Variants in GPM6A observed in about 807,000 individuals in gnomAD.
The protein encoded by GPM6A is neuronal membrane glycoprotein M6-a.
A neutral mutation model predicts 32.1 loss-of-function variants in GPM6A; 7 were observed. The observed-to-expected ratio is 0.22, with a 90% confidence interval of 0.12 to 0.41. GPM6A has a LOEUF of 0.41. Among genes scored for constraint, GPM6A ranks in the 10% least tolerant of loss-of-function variants. GPM6A has a pLI of 1.00. For synonymous variants in GPM6A, 130 were observed against 123.4 expected (o/e 1.05, Z -0.35); for missense variants, 235 against 347.2 (o/e 0.68, Z 2.57).
chr4:175,637,596 T>C (rs1416793685), intron 6 of GPM6A, among the ~76,000 whole-genome samples: 3 of 112,768 alleles, frequency 2.7e-5, no homozygotes, highest in Non-Finnish European at 5.1e-5. Flanking sequence ...TATTATATAT[T>C]ATGTAAAATA....
At chr4:175,862,678 C>T (rs2111423185) in intron 1 of GPM6A, among the ~76,000 whole-genome samples, 1 of 152,112 alleles carries the variant, frequency 6.6e-6, no homozygotes, top group African/African-American at 2.4e-5. Context: ...TCTAAATCCC[C>T]ATCAGTATTA....
At chr4:175,984,213 A>C (rs1330015729) in intron 1 of GPM6A, among the ~76,000 whole-genome samples, 1 of 152,170 alleles carries the variant, frequency 6.6e-6, no homozygotes, top group Non-Finnish European at 1.5e-5. Context: ...CCCAAGCTAG[A>C]AGGCAGTGGC....
At chr4:175,742,570 C>T (rs559448296) in intron 1 of GPM6A, among the ~76,000 whole-genome samples, 1 of 152,254 alleles carries the variant, frequency 6.6e-6, no homozygotes, top group Admixed American at 6.5e-5. Flanking sequence ...AAGTACACAT[C>T]AGAAAATGGA....
chr4:175,870,910 C>G (rs936039633), intron 1 of GPM6A, among the ~76,000 whole-genome samples: 1 of 152,038 alleles, frequency 6.6e-6, no homozygotes, highest in Admixed American at 6.6e-5. Context: ...AATAAAAGCA[C>G]CCATCACACA....
chr4:175,785,341 C>G (rs1434637353), intron 1 of GPM6A, among the ~76,000 whole-genome samples: 1 of 152,116 alleles, frequency 6.6e-6, no homozygotes, highest in Non-Finnish European at 1.5e-5. Context: ...TGCAGATGTC[C>G]CAGCATCTTG....
intron 1 of GPM6A, among the ~76,000 whole-genome samples, chr4:175,730,619 C>A (rs574558319): frequency 1.3e-5 from 2 of 151,426 alleles, no homozygotes; most frequent in Non-Finnish European, 2.9e-5. Flanking sequence ...TACAGGCGCC[C>A]GCCACCACGC....
intron 1 of GPM6A, among the ~76,000 whole-genome samples, chr4:175,843,654 T>C (rs1390360070): frequency 2.6e-5 from 4 of 152,196 alleles, no homozygotes; most frequent in Admixed American, 2.6e-4. Flanking sequence ...CACCACTTGG[T>C]TTGATGTTCT....
chr4:175,786,229 A>T (rs1218587003), intron 1 of GPM6A, among the ~76,000 whole-genome samples: 1 of 152,092 alleles, frequency 6.6e-6, no homozygotes, highest in African/African-American at 2.4e-5. Context: ...GAATGTTTAA[A>T]ATCTCAGGTA....
chr4:175,844,347 C>T (rs1348322367), intron 1 of GPM6A, among the ~76,000 whole-genome samples: 3 of 152,126 alleles, frequency 2.0e-5, no homozygotes, highest in Non-Finnish European at 4.4e-5. Flanking sequence ...GCAGTCTTTC[C>T]AATTCCTTCT....
chr4:175,811,000 A>T (rs899133475), intron 1 of GPM6A, among the ~76,000 whole-genome samples: 3 of 152,142 alleles, frequency 2.0e-5, no homozygotes, highest in Non-Finnish European at 4.4e-5. Flanking sequence ...CTTATCTATT[A>T]TCTCTTGCTT....
At chr4:175,699,965 C>T (rs1034330920) in intron 2 of GPM6A, among the ~76,000 whole-genome samples, 1 of 152,010 alleles carries the variant, frequency 6.6e-6, no homozygotes, top group Non-Finnish European at 1.5e-5. Flanking sequence ...TGGGCTCAAG[C>T]GATTCTCATA....
chr4:175,943,349 T>G (rs1739479619), intron 1 of GPM6A, among the ~76,000 whole-genome samples: 1 of 152,218 alleles, frequency 6.6e-6, no homozygotes, highest in South Asian at 2.1e-4. Flanking sequence ...CTTCCTCTAT[T>G]CCTATTTGAA....
chr4:175,824,742 G>A (rs986300845), intron 1 of GPM6A, among the ~76,000 whole-genome samples: 1 of 152,126 alleles, frequency 6.6e-6, no homozygotes, highest in African/African-American at 2.4e-5. Flanking sequence ...GGTATCCACT[G>A]TATGCTAGGC....
chr4:175,908,595 T>G (rs1738204403), intron 1 of GPM6A, among the ~76,000 whole-genome samples: 1 of 152,120 alleles, frequency 6.6e-6, no homozygotes, highest in African/African-American at 2.4e-5. Flanking sequence ...AAGAAGAAGT[T>G]TGTATCATCA....
intron 1 of GPM6A, among the ~76,000 whole-genome samples, chr4:175,735,996 G>A (rs550894910): frequency 6.6e-5 from 10 of 152,252 alleles, no homozygotes; most frequent in South Asian, 2.1e-4. Context: ...CAAGGTCTGT[G>A]AGACTAAAAC....
chr4:175,768,978 C>T (rs1465296756), intron 1 of GPM6A, among the ~76,000 whole-genome samples: 1 of 151,782 alleles, frequency 6.6e-6, no homozygotes, highest in Non-Finnish European at 1.5e-5. Flanking sequence ...GCCTGTAATC[C>T]CAGCTATTCA....
At chr4:175,647,567 G>A (rs1483849395) in intron 4 of GPM6A, among the ~76,000 whole-genome samples, 1 of 152,138 alleles carries the variant, frequency 6.6e-6, no homozygotes, top group Admixed American at 6.5e-5. Flanking sequence ...TGAACAGTAA[G>A]ATGTATACCT....
intron 1 of GPM6A, among the ~76,000 whole-genome samples, chr4:175,978,446 T>C (rs910234977): frequency 7.9e-5 from 12 of 152,110 alleles, no homozygotes; most frequent in African/African-American, 2.9e-4. Flanking sequence ...CCAAACCATA[T>C]AAGCTATCAT....
chr4:175,779,224 C>T (rs906791549), intron 1 of GPM6A, among the ~76,000 whole-genome samples: 1 of 152,154 alleles, frequency 6.6e-6, no homozygotes, highest in African/African-American at 2.4e-5. Context: ...TCTCACCCTG[C>T]TTGATGCAAT....
Sources: allele counts gnomAD v4.1 joint callset (sites outside exome capture counted in the v4.1 genomes callset), GRCh38; gene constraint gnomAD v4.1.1; transcripts MANE v1.5; gene names NCBI Gene and HGNC (gene_info 2026-07-23, HGNC 2026-07-21).